COLEC10: variants seen among roughly 807,000 people sequenced by gnomAD.
COLEC10 encodes the protein collectin subfamily member 10.
COLEC10 carries 22 observed loss-of-function variants against 28.4 expected under a neutral mutation model. That is an observed-to-expected ratio of 0.78 (90% CI 0.55 to 1.11). The LOEUF (loss-of-function observed/expected upper bound fraction) is 1.11, where lower values mean the gene tolerates loss of function less well. Among genes scored for constraint, COLEC10 ranks in the 50% least tolerant of loss-of-function variants. COLEC10 has a pLI of 0.00. For missense variants in COLEC10, 361 were observed against 344.1 expected, an observed-to-expected ratio of 1.05 and a Z score of -0.39; for synonymous variants, 125 against 116.1, an observed-to-expected ratio of 1.08 and a Z score of -0.49.
chr8:119,003,129 C>T (rs760511779), intron 1 of COLEC10, among the ~76,000 whole-genome samples: 1 of 151,988 alleles, frequency 6.6e-6, no homozygotes, highest in Non-Finnish European at 1.5e-5. Flanking sequence ...CTTTGCATTG[C>T]CAATTTTTAA....
At chr8:119,104,072 A>C (rs2130309518) in intron 5 of COLEC10, among the ~76,000 whole-genome samples, 177 bp downstream of exon 5, 1 of 152,238 alleles carries the variant, frequency 6.6e-6, no homozygotes, top group South Asian at 2.1e-4. Flanking sequence ...AGGACACCTC[A>C]AGTCTGCTAC....
intron 1 of COLEC10, among the ~76,000 whole-genome samples, chr8:119,001,952 G>A (rs577828499): frequency 1.3e-5 from 2 of 152,214 alleles, no homozygotes; most frequent in South Asian, 4.1e-4. Context: ...TATTCAATTT[G>A]TCAATTACTT....
At chr8:118,989,585 C>A in the COLEC10 span, among the ~76,000 whole-genome samples, 28 of 144,680 alleles carry the variant, frequency 1.9e-4, 1 homozygote, top group African/African-American at 6.5e-4. Flanking sequence ...ACACCCCTAC[C>A]TACCCATAAC....
intron 2 of COLEC10, among the ~76,000 whole-genome samples, chr8:119,050,398 A>T (rs959322577): frequency 3.3e-5 from 5 of 152,204 alleles, no homozygotes; most frequent in African/African-American, 1.2e-4. Context: ...TGGCAGCCTT[A>T]AAGTGATATG....
intron 1 of COLEC10, among the ~76,000 whole-genome samples, chr8:118,996,698 G>C (rs1813596447): frequency 6.6e-6 from 1 of 152,110 alleles, no homozygotes; most frequent in Admixed American, 6.6e-5. Context: ...TGAAATACCT[G>C]GAACTGGGTA....
At chr8:119,033,149 G>T (rs1814322657) in intron 2 of COLEC10, among the ~76,000 whole-genome samples, 1 of 152,122 alleles carries the variant, frequency 6.6e-6, no homozygotes, top group Non-Finnish European at 1.5e-5. Context: ...GGGGCTGAAC[G>T]TAACAGCACT....
intron 2 of COLEC10, among the ~76,000 whole-genome samples, chr8:119,019,554 A>G (rs79561922): frequency 0.044 from 6,690 of 152,018 alleles, 215 homozygotes; most frequent in East Asian, 0.16. Context: ...CCGATTGTCC[A>G]CAGTCATCTG....
intron 1 of COLEC10, among the ~76,000 whole-genome samples, chr8:119,070,476 T>TCTC (rs1554627418): frequency 1.0e-5 from 1 of 99,040 alleles, no homozygotes; most frequent in African/African-American, 4.3e-5. Context: ...TCTCTCTCTC[T>TCTC]CCTTCCCCCT....
At chr8:119,076,225 T>C (rs1470992893) in intron 1 of COLEC10, among the ~76,000 whole-genome samples, 4 of 150,938 alleles carry the variant, frequency 2.7e-5, no homozygotes, top group Non-Finnish European at 4.4e-5. Context: ...AGCCATATCT[T>C]AATAAGACAG....
At chr8:119,046,990 T>A (rs1211154920) in intron 2 of COLEC10, among the ~76,000 whole-genome samples, 1 of 152,198 alleles carries the variant, frequency 6.6e-6, no homozygotes, top group African/African-American at 2.4e-5. Context: ...TTTCAAGAAC[T>A]CAGCTAAGAA....
chr8:119,092,066 A>ATTTT (rs34152820), intron 3 of COLEC10, among the ~76,000 whole-genome samples: 3 of 124,460 alleles, frequency 2.4e-5, no homozygotes, highest in East Asian at 2.4e-4. Context: ...TCTTGTCCTA[A>ATTTT]TTTTTTTTTT....
At chr8:118,964,760 G>A in the COLEC10 span, among the ~76,000 whole-genome samples, 2 of 152,148 alleles carry the variant, frequency 1.3e-5, no homozygotes, top group South Asian at 2.1e-4. Flanking sequence ...AACAAAGTCA[G>A]CCCTGTACCC....
chr8:118,985,366 A>G, the COLEC10 span, among the ~76,000 whole-genome samples: 492 of 152,210 alleles, frequency 3.2e-3, 7 homozygotes, highest in Non-Finnish European at 1.9e-3. Context: ...TGCGATGATC[A>G]CTAATTTTGT....
chr8:118,997,641 T>G (rs774957246), intron 1 of COLEC10, among the ~76,000 whole-genome samples: 2 of 152,218 alleles, frequency 1.3e-5, no homozygotes, highest in African/African-American at 2.4e-5. Context: ...CTGCAACTGA[T>G]TCTGAAGGCT....
Position 119,102,267 on chromosome 8 carries a change from CCCTT to C in COLEC10, c.293-64_293-61del, listed in dbSNP as rs1385034987. ...CCTTCCTTCTTTTCCTTCCTTCATT[CCCTT>C]CCTTCCTTCCTTCCTTTTTTCCTTT... On this transcript the variant is annotated intron_variant, in intron 3 of 5. Coordinates refer to ENST00000332843, the MANE Select transcript of COLEC10 (RefSeq NM_006438.5). The C allele has an allele frequency of 1.5e-3, 673 of 443,704 alleles. 6 individuals are homozygous for C. Among genetic ancestry groups the C allele is most frequent in the African/African-American group, 0.011 (428 of 38,778 alleles). 27.5% of individuals were successfully genotyped at this position (443,704 alleles called of 1,614,324 possible). A position where few individuals can be genotyped will look rare whatever the true frequency, so the allele number is the denominator to read the frequency against.
At chr8:118,972,314 C>T in the COLEC10 span, among the ~76,000 whole-genome samples, 1 of 151,964 alleles carries the variant, frequency 6.6e-6, no homozygotes, top group Admixed American at 6.6e-5. Context: ...TCTTGTTTTA[C>T]TCCATTCTTG....
chr8:118,971,337 A>T, the COLEC10 span, among the ~76,000 whole-genome samples: 1 of 151,942 alleles, frequency 6.6e-6, no homozygotes, highest in Admixed American at 6.6e-5. Flanking sequence ...AGGTTGCTTT[A>T]AGGCATGACT....
intron 2 of COLEC10, chr8:119,009,590 G>C (rs370249466): frequency 1.2e-4 from 18 of 150,484 alleles, no homozygotes; most frequent in African/African-American, 4.5e-4. Context: ...ATCCAGTCTC[G>C]GGTAATCTGT....
chr8:119,034,115 C>G (rs1017704687), intron 2 of COLEC10, among the ~76,000 whole-genome samples: 1 of 152,200 alleles, frequency 6.6e-6, no homozygotes, highest in Non-Finnish European at 1.5e-5. Flanking sequence ...AGCTGGAAAC[C>G]ATTATTCTCA....
Sources: gnomAD v4.1 joint callset for allele counts (sites outside exome capture counted in the v4.1 genomes callset) on GRCh38, gnomAD v4.1.1 for gene constraint, MANE v1.5 for transcripts, NCBI Gene and HGNC (gene_info 2026-07-23, HGNC 2026-07-21) for gene names.